KDM7A: variants seen among roughly 807,000 people sequenced by gnomAD.
KDM7A encodes lysine-specific demethylase 7A.
Under a neutral mutation model 114.8 loss-of-function variants are expected in KDM7A, and 28 were observed. The observed-to-expected ratio is 0.24, with a 90% CI of 0.18 to 0.33. The LOEUF is 0.33. Ranked by LOEUF, KDM7A falls within the 10% of genes least tolerant of loss-of-function variation. The probability of loss-of-function intolerance (pLI) is 1.00; values close to 1 mark genes in which losing one functional copy is unlikely to be tolerated. For synonymous variants in KDM7A, 423 were observed against 397.8 expected (o/e 1.06, Z -0.75); for missense variants, 942 against 1,142.5 (o/e 0.82, Z 2.53).
At chr7:140,144,942 C>T (rs1373527061) in intron 1 of KDM7A, among the ~76,000 whole-genome samples, 1 of 152,168 alleles carries the variant, frequency 6.6e-6, no homozygotes, top group Non-Finnish European at 1.5e-5. Context: ...ACTCCCCCTT[C>T]GCCTTCTGCC....
At chr7:140,131,479 C>T (rs1368333866) in intron 3 of KDM7A, among the ~76,000 whole-genome samples, 1 of 152,194 alleles carries the variant, frequency 6.6e-6, no homozygotes, top group Non-Finnish European at 1.5e-5. Flanking sequence ...GATGCTGGTT[C>T]TCTGAATTAC....
chr7:140,089,840 G>A lies in KDM7A; in HGVS notation c.*1254C>T, dbSNP rs902493445. ...ATTTTACTCCAAATCCATATCTTAA[G>A]TAATTCTTTAGAAAATTAAGAAATA... is the stretch of plus-strand genomic sequence containing the variant. On this transcript the variant is annotated 3_prime_UTR_variant, in exon 20 of 20. Transcript: ENST00000397560. 2 of 152,058 alleles carry A rather than the reference G, an allele frequency of 1.3e-5. No individual in the cohort carries two copies. The highest frequency in any genetic ancestry group is 2.9e-5 in the Non-Finnish European group (2 of 68,010). The allele number at this position is 152,058 out of a possible 1,614,324, so 9.4% of individuals were successfully genotyped here.
chr7:140,100,743 C>CACATATATATATATATAT (rs1306946716), intron 12 of KDM7A, among the ~76,000 whole-genome samples: 1 of 34,048 alleles, frequency 2.9e-5, no homozygotes, highest in Non-Finnish European at 5.6e-5. Context: ...TATATATATA[C>CACATATATATATATATAT]ATATATATTT....
chr7:140,161,562 G>T (rs111803488), intron 1 of KDM7A, among the ~76,000 whole-genome samples: 3 of 149,828 alleles, frequency 2.0e-5, no homozygotes, highest in Non-Finnish European at 3.0e-5. Flanking sequence ...TTTCTACGGT[G>T]GGGGGGACGG....
chr7:140,159,699 GA>G (rs1794496800), intron 1 of KDM7A, among the ~76,000 whole-genome samples: 1 of 152,090 alleles, frequency 6.6e-6, no homozygotes, highest in Non-Finnish European at 1.5e-5. Flanking sequence ...CACATCCCTG[GA>G]ACAGGCAATG....
intron 7 of KDM7A, among the ~76,000 whole-genome samples, chr7:140,121,201 A>C (rs1289338480): frequency 6.6e-6 from 1 of 152,186 alleles, no homozygotes. Context: ...GTTGCCAAAA[A>C]ATGATATTTT....
intron 7 of KDM7A, among the ~76,000 whole-genome samples, chr7:140,121,708 G>C (rs570075132): frequency 1.3e-5 from 2 of 152,090 alleles, no homozygotes; most frequent in Non-Finnish European, 2.9e-5. Flanking sequence ...TGCATCACTC[G>C]GGACTGCCAA....
At chr7:140,169,669 G>GTGCACACCA (rs1242224527) in intron 1 of KDM7A, among the ~76,000 whole-genome samples, 1 of 151,992 alleles carries the variant, frequency 6.6e-6, no homozygotes, top group Non-Finnish European at 1.5e-5. Context: ...GGGATTACAG[G>GTGCACACCA]TGCACACCAC....
At chr7:140,103,507 T>C (rs1313977340) in intron 11 of KDM7A, among the ~76,000 whole-genome samples, 1 of 146,950 alleles carries the variant, frequency 6.8e-6, no homozygotes, top group East Asian at 2.0e-4. Flanking sequence ...TTCCCCACCC[T>C]GTGTCCATGT....
chr7:140,122,545 T>A (rs753785630), intron 7 of KDM7A, among the ~76,000 whole-genome samples: 1 of 152,216 alleles, frequency 6.6e-6, no homozygotes, highest in Admixed American at 6.5e-5. Context: ...CATACATTTG[T>A]TATTATATAC....
At chr7:140,126,905 A>C in intron 5 of KDM7A, 82 bp from the exon 6 acceptor site, 1 of 1,001,686 alleles carries the variant, frequency 1.0e-6, no homozygotes, top group Non-Finnish European at 1.5e-6. Flanking sequence ...TCTATTCCCA[A>C]ACCAAATAAT....
In KDM7A at chr7:140,085,741, C is replaced by A. The variant is rs1012989473; in HGVS notation, c.*5353G>T. On this transcript the variant is annotated 3_prime_UTR_variant, in exon 20 of 20. Transcript: ENST00000397560. The stretch of plus-strand genomic sequence containing the variant: ...AGGTTTCTTTTGCAAGATAAAATAA[C>A]CTTGGGGTTCACTTAGTAAGTTACA... 1.3e-5 allele frequency: 2 copies of A among 152,124 alleles called. No individual in the cohort carries two copies. Among genetic ancestry groups the A allele is most frequent in the African/African-American group, 2.4e-5 (1 of 41,414 alleles). 9.4% of individuals were successfully genotyped at this position (152,124 alleles called of 1,614,324 possible). A position where few individuals can be genotyped will look rare whatever the true frequency, so the allele number is the denominator to read the frequency against.
chr7:140,113,372 G>A (rs1818464117), intron 10 of KDM7A, 119 bp downstream of exon 10: 3 of 508,754 alleles, frequency 5.9e-6, no homozygotes, highest in Non-Finnish European at 3.5e-6. Context: ...GTATATAAAG[G>A]CATGATTTCT....
intron 1 of KDM7A, among the ~76,000 whole-genome samples, chr7:140,168,363 CA>C (rs1364074241): frequency 6.6e-6 from 1 of 151,988 alleles, no homozygotes; most frequent in Non-Finnish European, 1.5e-5. Context: ...GTCAGGAGTT[CA>C]AGACCAGCCT....
chr7:140,160,760 G>A (rs147577983), intron 1 of KDM7A, among the ~76,000 whole-genome samples: 1 of 152,182 alleles, frequency 6.6e-6, no homozygotes, highest in Admixed American at 6.5e-5. Flanking sequence ...CTGGGGATAA[G>A]ACCTCTTCTA....
intron 3 of KDM7A, among the ~76,000 whole-genome samples, chr7:140,132,151 C>T (rs190633096): frequency 2.0e-5 from 3 of 152,220 alleles, no homozygotes; most frequent in Non-Finnish European, 4.4e-5. Context: ...TTTTACACAC[C>T]TCTGTGTTAA....
intron 1 of KDM7A, among the ~76,000 whole-genome samples, chr7:140,160,236 T>G (rs936005502): frequency 7.9e-5 from 12 of 152,214 alleles, no homozygotes; most frequent in African/African-American, 2.9e-4. Flanking sequence ...GCAGAAACTG[T>G]GATAGAGGCC....
At position 140,097,588 on chromosome 7, in the gene KDM7A, T is replaced by C. The variant is rs1326284934; in HGVS notation, c.1973A>G (p.Asp658Gly). 3.7e-6 allele frequency: 6 copies of C among 1,609,386 alleles called. No individual in the cohort carries two copies. The highest frequency in any genetic ancestry group is 5.1e-6 in the Non-Finnish European group (6 of 1,175,852). ...TCCGGAGTCTTCTGACTCAGAAATA[T>C]CAGAATATCCTGATGATCTACTCCT... ...ELRSRSSGYS[D>G]ISESEDSGPE... The change falls in exon 15 of 20, where the codon GAT (aspartate) becomes GGT (glycine). Residue 658 changes from aspartate (D) to glycine (G), a missense_variant. Asp to Gly is a moderately conservative substitution (Grantham distance 94). Transcript: ENST00000397560.
chr7:140,091,037 G>T lies in KDM7A; in HGVS notation c.*57C>A. On this transcript the variant is annotated 3_prime_UTR_variant, in exon 20 of 20. Transcript: ENST00000397560. Reference sequence around the variant, plus strand: ...GGCAGGGGGACAGCGGAAGCTCCAGGCTCCTGCACCCCTAGACTGGTCTCC... The same window carrying T: ...GGCAGGGGGACAGCGGAAGCTCCAGTCTCCTGCACCCCTAGACTGGTCTCC... 1 of 1,256,616 alleles carries T rather than the reference G, an allele frequency of 8.0e-7. No homozygotes were observed. Among genetic ancestry groups the T allele is most frequent in the Non-Finnish European group, 1.2e-6 (1 of 854,802 alleles). 77.8% of individuals were successfully genotyped at this position (1,256,616 alleles called of 1,614,324 possible).
Sources: allele counts gnomAD v4.1 joint callset (sites outside exome capture counted in the v4.1 genomes callset), GRCh38; gene constraint gnomAD v4.1.1; transcripts MANE v1.5; gene names NCBI Gene and HGNC (gene_info 2026-07-23, HGNC 2026-07-21).